Variants in BUD13 observed in about 807,000 individuals in gnomAD.
The protein encoded by BUD13 is BUD13 homolog.
In BUD13, 47 loss-of-function variants were observed where a neutral mutation model predicts 62.5. That is an observed-to-expected ratio of 0.75 (90% CI 0.60 to 0.96). The LOEUF (loss-of-function observed/expected upper bound fraction) is 0.96. Among genes scored for constraint, BUD13 ranks in the 40% least tolerant of loss-of-function variants. The pLI is 0.00. For synonymous variants in BUD13, 293 were observed against 280.1 expected (o/e 1.05, Z -0.46); for missense variants, 821 against 790.9 (o/e 1.04, Z -0.46).
At position 116,748,730 on chromosome 11, in the gene BUD13, G is replaced by A. The variant is rs537840449; in HGVS notation, c.1767-155C>T. The stretch of plus-strand genomic sequence containing the variant: ...TGGCCGGGCACGGCGGCTCACGCCT[G>A]TAATCCCAGCACTTTGGGAGGCCAA... On this transcript the variant is annotated intron_variant, in intron 9 of 9. Coordinates refer to ENST00000260210, the MANE Select transcript of BUD13 (RefSeq NM_032725.4). Among the ~76,000 whole-genome samples the A allele has an allele frequency of 3.3e-5, 5 of 152,396 alleles. No individual in the cohort carries two copies. The South Asian group carries it at 1.0e-3, about 32-fold the overall frequency.
chr11:116,766,506 G>A (rs558345802), intron 2 of BUD13, among the ~76,000 whole-genome samples: 3 of 152,284 alleles, frequency 2.0e-5, no homozygotes, highest in Non-Finnish European at 2.9e-5. Flanking sequence ...CACAGGTTTC[G>A]GGCAAGATGA....
rs371270990 is a variant in BUD13 at position 116,769,920 on chromosome 11, G to A, written c.237+209C>T. 3.9e-5 allele frequency among the ~76,000 whole-genome samples: 6 copies of A among 152,178 alleles called. No homozygotes were observed. In the East Asian group the frequency reaches 7.7e-4, roughly 20 times the overall value. On this transcript the variant is annotated intron_variant, in intron 2 of 9. Coordinates refer to ENST00000260210, the MANE Select transcript of BUD13 (RefSeq NM_032725.4). Reference sequence around the variant, plus strand: ...TAAAAAAAAAAAATTAGCCAGGCATGATGGCGGGTGCCTGTAATCCCAGCT... The same window carrying A: ...TAAAAAAAAAAAATTAGCCAGGCATAATGGCGGGTGCCTGTAATCCCAGCT...
intron 9 of BUD13, among the ~76,000 whole-genome samples, chr11:116,752,796 C>T (rs1370851050): frequency 1.3e-5 from 2 of 152,122 alleles, no homozygotes; most frequent in Non-Finnish European, 2.9e-5. Context: ...AAAGAAGAGC[C>T]TTAAATTTTT....
Position 116,772,906 on chromosome 11 carries a change from GC to G in BUD13, c.58del (p.Ala20GlnfsTer37). The stretch of plus-strand genomic sequence containing the variant: ...AGATCCCCGGTCGACGCCGGCATCT[GC>G]CCCGGACAAGTAACGCTTCAGATAC... ...AEYLKRYLSG[A>X]DAGVDRGSES... On this transcript the variant is annotated frameshift_variant, in exon 1 of 10. Transcript: ENST00000260210. LOFTEE classifies it high-confidence loss of function. 1.9e-6 allele frequency: 3 copies of G among 1,589,960 alleles called. No individual in the cohort carries two copies. Among genetic ancestry groups the G allele is most frequent in the Non-Finnish European group, 8.6e-7 (1 of 1,168,870 alleles).
Position 116,762,769 on chromosome 11 carries a change from A to T in BUD13, c.820T>A (p.Leu274Met). The change falls in exon 4 of 10, where the codon TTG (leucine) becomes ATG (methionine). Residue 274 changes from leucine (L) to methionine (M), a missense_variant. Physicochemically the swap from Leu to Met is conservative, Grantham distance 15. Coordinates refer to ENST00000260210, the MANE Select transcript of BUD13 (RefSeq NM_032725.4). ...AGGGAATAAGTGACATTAGGAGCCA[A>T]ATCAGGGGAGTCATGACGGGCCCTT... ...LRRARHDSPD[L>M]APNVTYSLPR... 1 of 1,614,168 alleles carries T rather than the reference A, an allele frequency of 6.2e-7. No individual in the cohort carries two copies. Among genetic ancestry groups the T allele is most frequent in the South Asian group, 1.1e-5 (1 of 91,078 alleles).
Position 116,762,607 on chromosome 11 carries a change from G to C in BUD13, c.982C>G (p.Arg328Gly). ...AAATGGGATTTTGCTTGCTTTTTTCGTGGAGGAGAGATGTCAGGGTCATAC... is the reference window on the plus strand; with the variant it reads ...AAATGGGATTTTGCTTGCTTTTTTCCTGGAGGAGAGATGTCAGGGTCATAC... ...YEYDPDISPP[R>G]KKQAKSHFGD... Residue 328 changes from arginine to glycine, a missense_variant, in exon 4 of 10, where the codon CGA (arginine) becomes GGA (glycine). Physicochemically the swap from Arg to Gly is moderately radical, Grantham distance 125. Coordinates refer to ENST00000260210, the MANE Select transcript of BUD13 (RefSeq NM_032725.4). 6.2e-7 allele frequency: 1 copy of C among 1,611,724 alleles called. No homozygotes were observed. Among genetic ancestry groups the C allele is most frequent in the Non-Finnish European group, 8.5e-7 (1 of 1,179,426 alleles).
intron 8 of BUD13, 56 bp from the exon 9 acceptor site, chr11:116,757,283 C>T: frequency 1.3e-6 from 2 of 1,504,664 alleles, no homozygotes; most frequent in Admixed American, 3.5e-5. Flanking sequence ...TAATTCAGAG[C>T]TGGATGGCAA....
At chr11:116,767,590 C>CA (rs57036085) in intron 2 of BUD13, among the ~76,000 whole-genome samples, 10,589 of 80,512 alleles carry the variant, frequency 0.13, 664 homozygotes, top group African/African-American at 0.21. Flanking sequence ...GAGACTCCAC[C>CA]AAAAAAAAAA....
At chr11:116,761,551 G>A (rs1406307114) in intron 4 of BUD13, among the ~76,000 whole-genome samples, 1 of 152,134 alleles carries the variant, frequency 6.6e-6, no homozygotes, top group Non-Finnish European at 1.5e-5. Flanking sequence ...ACCACTGACT[G>A]TAACTGGTGT....
intron 2 of BUD13, among the ~76,000 whole-genome samples, chr11:116,767,161 G>A (rs1039146620): frequency 1.1e-4 from 16 of 150,386 alleles, no homozygotes; most frequent in Admixed American, 4.6e-4. Flanking sequence ...GCACTCCAGC[G>A]TTGGTGACAG....
Position 116,772,809 on chromosome 11 carries a change from G to C in BUD13, c.143+13C>G. On this transcript the variant is annotated intron_variant, in intron 1 of 9. Coordinates refer to ENST00000260210, the MANE Select transcript of BUD13 (RefSeq NM_032725.4). ...AGACGTCGCAGGCCCCGCCCCGGCC[G>C]GTACCAACTCACCCCTTGCCGCCGG... 8 of 1,552,474 alleles carry C rather than the reference G, an allele frequency of 5.2e-6. No homozygotes were observed. The highest frequency in any genetic ancestry group is 6.9e-6 in the Non-Finnish European group (8 of 1,152,310).
intron 2 of BUD13, among the ~76,000 whole-genome samples, chr11:116,768,062 C>T (rs1044054177): frequency 6.6e-6 from 1 of 151,652 alleles, no homozygotes; most frequent in Non-Finnish European, 1.5e-5. Flanking sequence ...ATTCTCATCA[C>T]CTCTAGTGGG....
chr11:116,762,862 T>TTCTGGGGGAAGAGATA lies in BUD13; in HGVS notation c.711_726dup (p.Arg243TyrfsTer9). On this transcript the variant is annotated frameshift_variant, in exon 4 of 10. Transcript: ENST00000260210. LOFTEE classifies it high-confidence loss of function. ...GTGTCAGGGGAGTTGTTATGGACCC[T>TTCTGGGGGAAGAGATA]TCTGGGGGAAGAGATATCTGAGGAA... 6.2e-7 allele frequency: 1 copy of TTCTGGGGGAAGAGATA among 1,613,430 alleles called. No individual in the cohort carries two copies. The highest frequency in any genetic ancestry group is 8.5e-7 in the Non-Finnish European group (1 of 1,179,850).
Position 116,757,827 on chromosome 11 carries a change from C to T in BUD13, c.1623G>A (p.Glu541=). The T allele has an allele frequency of 1.2e-6, 2 of 1,614,180 alleles. No homozygotes were observed. The highest frequency in any genetic ancestry group is 1.1e-5 in the South Asian group (1 of 91,082). The part of the protein sequence containing the change: ...LDRMLREQER[E]GDPMANFIKK... Reference sequence around the variant, plus strand: ...TGATGAAGTTGGCCATAGGGTCCCCCTCTCTTTCCTGTTCTCTTAGCATCC... The same window carrying T: ...TGATGAAGTTGGCCATAGGGTCCCCTTCTCTTTCCTGTTCTCTTAGCATCC... The change falls in exon 8 of 10, where the codon GAG becomes GAA. Residue 541 remains glutamate, a synonymous_variant. Coordinates refer to ENST00000260210, the MANE Select transcript of BUD13 (RefSeq NM_032725.4).
chr11:116,755,799 T>A (rs79869230), intron 9 of BUD13, among the ~76,000 whole-genome samples: 2,937 of 152,304 alleles, frequency 0.019, 97 homozygotes, highest in East Asian at 0.13. Flanking sequence ...ATAATTAGTT[T>A]ATTTTTTTTT....
At chr11:116,759,580 T>C (rs1052010976) in intron 5 of BUD13, among the ~76,000 whole-genome samples, 4 of 152,178 alleles carry the variant, frequency 2.6e-5, no homozygotes, top group Non-Finnish European at 5.9e-5. Flanking sequence ...GATCCTTAAA[T>C]TGTGGATATA....
At chr11:116,753,071 C>CA (rs559479375) in intron 9 of BUD13, among the ~76,000 whole-genome samples, 26 of 151,344 alleles carry the variant, frequency 1.7e-4, no homozygotes, top group Non-Finnish European at 3.1e-4. Flanking sequence ...CTAGACAAAA[C>CA]AAAAAAAATA....
chr11:116,764,952 C>T (rs537765814), intron 3 of BUD13, among the ~76,000 whole-genome samples: 1 of 152,274 alleles, frequency 6.6e-6, no homozygotes, highest in South Asian at 2.1e-4. Flanking sequence ...ACAAAATACA[C>T]TGGTCCTTGA....
At chr11:116,766,616 G>T (rs1289530317) in intron 2 of BUD13, among the ~76,000 whole-genome samples, 1 of 152,218 alleles carries the variant, frequency 6.6e-6, no homozygotes, top group African/African-American at 2.4e-5. Flanking sequence ...GGGATTCAAA[G>T]GATTGCTATA....
Sources: gnomAD v4.1 joint callset for allele counts (sites outside exome capture counted in the v4.1 genomes callset) on GRCh38, gnomAD v4.1.1 for gene constraint, MANE v1.5 for transcripts, NCBI Gene and HGNC (gene_info 2026-07-23, HGNC 2026-07-21) for gene names.